NRCAM: variants seen among roughly 807,000 people sequenced by gnomAD.
NRCAM encodes the protein neuronal cell adhesion molecule.
NRCAM carries 83 observed loss-of-function variants against 156.5 expected under a neutral mutation model. The ratio of observed to expected loss-of-function variants is 0.53; its 90% CI spans 0.44 to 0.64. NRCAM has a LOEUF of 0.64. NRCAM is among the 30% of genes least tolerant of loss of function. NRCAM has a pLI of 0.00. For missense variants in NRCAM, 1,417 were observed against 1,597.3 expected (o/e 0.89, Z 1.92); for synonymous variants, 538 against 563.9 (o/e 0.95, Z 0.65).
intron 13 of NRCAM, among the ~76,000 whole-genome samples, chr7:108,202,304 A>G (rs890508525): frequency 3.3e-5 from 5 of 152,206 alleles, no homozygotes; most frequent in African/African-American, 1.2e-4. Context: ...GAGAATAATA[A>G]TAATAATCAT....
intron 3 of NRCAM, among the ~76,000 whole-genome samples, chr7:108,281,754 C>T (rs1269680): frequency 0.89 from 135,330 of 152,282 alleles, 60,262 homozygotes; most frequent in East Asian, 0.92. Context: ...CTGACCATGC[C>T]AGCAGGCCTG....
At chr7:108,322,679 A>G (rs1331100425) in intron 2 of NRCAM, among the ~76,000 whole-genome samples, 1 of 152,194 alleles carries the variant, frequency 6.6e-6, no homozygotes, top group African/African-American at 2.4e-5. Context: ...ATGTTGATCA[A>G]TATCAAAATG....
chr7:108,208,169 G>A (rs1170654505), intron 12 of NRCAM, among the ~76,000 whole-genome samples: 2 of 151,568 alleles, frequency 1.3e-5, no homozygotes, highest in African/African-American at 4.8e-5. Context: ...AGCCAGGTGT[G>A]GTGGTGGGCA....
At chr7:108,401,088 C>G (rs546993292) in intron 1 of NRCAM, among the ~76,000 whole-genome samples, 2 of 151,938 alleles carry the variant, frequency 1.3e-5, no homozygotes, top group African/African-American at 4.8e-5. Context: ...GGTGAAACCC[C>G]GTCTCTACTA....
Position 108,168,401 on chromosome 7 carries a change from AACTAAACAT to A in NRCAM, c.3188-8_3188del, listed in dbSNP as rs1265802107. On this transcript the variant is annotated splice_acceptor_variant and splice_polypyrimidine_tract_variant and coding_sequence_variant and intron_variant, in exon 29 of 33. Transcript: ENST00000379028. LOFTEE classifies it high-confidence loss of function. ...TGCTGATCCTGGGATTTACTGCTTGAACTAAACATACAATAGAAAAATAAAACAAACAAT... is the reference window on the plus strand; with the variant it reads ...TGCTGATCCTGGGATTTACTGCTTGAACAATAGAAAAATAAAACAAACAAT... 1.9e-6 allele frequency: 3 copies of A among 1,597,234 alleles called. No individual in the cohort carries two copies. The highest frequency in any genetic ancestry group is 2.6e-6 in the Non-Finnish European group (3 of 1,174,554).
intron 3 of NRCAM, among the ~76,000 whole-genome samples, chr7:108,254,198 G>A (rs542789162): frequency 6.6e-6 from 1 of 152,218 alleles, no homozygotes; most frequent in East Asian, 1.9e-4. Context: ...GCAAAGACAA[G>A]CCACAGACTA....
chr7:108,343,480 GC>G (rs1222438400), intron 2 of NRCAM, among the ~76,000 whole-genome samples: 3 of 152,118 alleles, frequency 2.0e-5, no homozygotes, highest in Non-Finnish European at 2.9e-5. Context: ...GGACATTGAA[GC>G]AAAAAGAGCT....
chr7:108,359,046 AC>A (rs1459930672), intron 2 of NRCAM, among the ~76,000 whole-genome samples: 2 of 152,170 alleles, frequency 1.3e-5, no homozygotes, highest in Non-Finnish European at 2.9e-5. Flanking sequence ...AGTTCATTAC[AC>A]CTTTTATCCT....
chr7:108,352,487 C>T (rs1347934535), intron 2 of NRCAM, among the ~76,000 whole-genome samples: 1 of 152,112 alleles, frequency 6.6e-6, no homozygotes, highest in Non-Finnish European at 1.5e-5. Flanking sequence ...ATCAGGTCTG[C>T]CTGGATGCTG....
chr7:108,405,230 T>C (rs1363934817), intron 1 of NRCAM, among the ~76,000 whole-genome samples: 1 of 152,234 alleles, frequency 6.6e-6, no homozygotes, highest in Non-Finnish European at 1.5e-5. Context: ...AGGAAGTTTA[T>C]TAAGTGTAGT....
At chr7:108,154,219 G>C (rs1438944901) in intron 32 of NRCAM, among the ~76,000 whole-genome samples, 1 of 152,162 alleles carries the variant, frequency 6.6e-6, no homozygotes, top group Non-Finnish European at 1.5e-5. Flanking sequence ...GAGATAGACA[G>C]ATTGACCAAT....
chr7:108,299,114 A>AAAAAAAAAAAAAAAAAGAAAGAAAG, intron 3 of NRCAM, among the ~76,000 whole-genome samples: 1 of 25,528 alleles, frequency 3.9e-5, no homozygotes, highest in Admixed American at 7.2e-4. Flanking sequence ...TCAAAAAAAA[A>AAAAAAAAAAAAAAAAAGAAAGAAAG]AAAGAAAGAA....
chr7:108,380,406 ATT>A (rs2099695895), intron 2 of NRCAM, among the ~76,000 whole-genome samples: 1 of 152,152 alleles, frequency 6.6e-6, no homozygotes. Context: ...ATGTGCAGCT[ATT>A]GAGTTTTAAA....
At chr7:108,281,390 A>G (rs1283810803) in intron 3 of NRCAM, among the ~76,000 whole-genome samples, 3 of 152,168 alleles carry the variant, frequency 2.0e-5, no homozygotes, top group Non-Finnish European at 2.9e-5. Context: ...AGTAGGGGAG[A>G]TAACAGGAGA....
At chr7:108,445,595 C>T (rs191807324) in intron 1 of NRCAM, among the ~76,000 whole-genome samples, 27 of 152,216 alleles carry the variant, frequency 1.8e-4, no homozygotes, top group Middle Eastern at 6.8e-3. Flanking sequence ...CAGTCACATA[C>T]CCCTGTGATG....
At chr7:108,359,169 T>C (rs1595008366) in intron 2 of NRCAM, among the ~76,000 whole-genome samples, 1 of 152,300 alleles carries the variant, frequency 6.6e-6, no homozygotes, top group East Asian at 1.9e-4. Flanking sequence ...ATTCATCCAT[T>C]CATCCATCCA....
At chr7:108,191,621 C>G in intron 18 of NRCAM, 108 bp downstream of exon 18, 2 of 1,309,768 alleles carry the variant, frequency 1.5e-6, no homozygotes, top group Non-Finnish European at 2.1e-6. Context: ...ATGAACTCAC[C>G]CATGCATATT....
chr7:108,290,412 C>T (rs2098251216), intron 3 of NRCAM, among the ~76,000 whole-genome samples: 1 of 152,142 alleles, frequency 6.6e-6, no homozygotes, highest in East Asian at 1.9e-4. Context: ...TGGTTTAACT[C>T]ATTCAGATGG....
chr7:108,399,269 C>T (rs534256531), intron 2 of NRCAM, among the ~76,000 whole-genome samples, 167 bp downstream of exon 2: 4 of 152,148 alleles, frequency 2.6e-5, no homozygotes, highest in African/African-American at 9.6e-5. Flanking sequence ...AATTGGTTTC[C>T]TCCATATTTA....
Sources: allele counts gnomAD v4.1 joint callset (sites outside exome capture counted in the v4.1 genomes callset), GRCh38; gene constraint gnomAD v4.1.1; transcripts MANE v1.5; gene names NCBI Gene and HGNC (gene_info 2026-07-23, HGNC 2026-07-21).